Variants in PCDHA5 observed in about 807,000 individuals in gnomAD.
The protein encoded by PCDHA5 is protocadherin alpha 5.
Under a neutral mutation model 61.6 loss-of-function variants are expected in PCDHA5, and 43 were observed. The ratio of observed to expected loss-of-function variants is 0.70; its 90% confidence interval spans 0.55 to 0.90. PCDHA5 has a LOEUF of 0.90. Among genes scored for constraint, PCDHA5 ranks in the 40% least tolerant of loss-of-function variants. PCDHA5 has a pLI of 0.00. For synonymous variants in PCDHA5, 627 were observed against 543.9 expected, an observed-to-expected ratio of 1.15 and a Z score of -2.13; for missense variants, 1,298 against 1,222.7, an observed-to-expected ratio of 1.06 and a Z score of -0.92.
intron 1 of PCDHA5, chr5:140,828,247 G>A: frequency 5.0e-6 from 8 of 1,613,980 alleles, no homozygotes; most frequent in Non-Finnish European, 6.8e-6. Flanking sequence ...CGCAGGACCT[G>A]GGGCTGGAGC....
chr5:140,897,214 G>A (rs1355389573), intron 1 of PCDHA5, among the ~76,000 whole-genome samples: 1 of 151,764 alleles, frequency 6.6e-6, no homozygotes, highest in Non-Finnish European at 1.5e-5. Flanking sequence ...TTAAGTTTTA[G>A]GGTACATGTG....
intron 1 of PCDHA5, among the ~76,000 whole-genome samples, chr5:140,886,844 AAAAG>A (rs1232979230): frequency 6.0e-5 from 9 of 150,634 alleles, no homozygotes; most frequent in Non-Finnish European, 8.9e-5. Flanking sequence ...AAAAAAAAAA[AAAAG>A]AAAGGTCTTC....
chr5:140,857,611 G>A (rs987659739), intron 1 of PCDHA5: 1 of 1,596,436 alleles, frequency 6.3e-7, no homozygotes, highest in Admixed American at 1.7e-5. Flanking sequence ...CGCTGCAGCC[G>A]CTGGACCACG....
intron 1 of PCDHA5, among the ~76,000 whole-genome samples, chr5:140,899,834 G>T (rs181729880): frequency 6.6e-6 from 1 of 152,198 alleles, no homozygotes; most frequent in Admixed American, 6.5e-5. Context: ...TTTGAGACAG[G>T]TCTTGCTGTG....
intron 3 of PCDHA5, among the ~76,000 whole-genome samples, chr5:141,007,668 G>C (rs556655396): frequency 6.6e-6 from 1 of 152,262 alleles, no homozygotes; most frequent in East Asian, 1.9e-4. Context: ...AATTTACAAA[G>C]ACAAAAGTTA....
intron 1 of PCDHA5, among the ~76,000 whole-genome samples, chr5:140,933,506 G>A (rs2089196836): frequency 6.6e-6 from 1 of 151,944 alleles, no homozygotes; most frequent in Non-Finnish European, 1.5e-5. Flanking sequence ...GTTAAGCAAA[G>A]ACTACAGCTG....
Position 140,824,056 on chromosome 5 carries a change from G to A in PCDHA5, c.2281G>A (p.Glu761Lys). The part of the protein sequence containing the change: ...QQRRQRVCSG[E>K]APPKTDLMAF... ...GAGGAGACAGAGGGTGTGCTCTGGG[G>A]AAGCTCCACCCAAAACAGACCTCAT... is the stretch of plus-strand genomic sequence containing the variant. The change falls in exon 1 of 4, where the codon GAA (glutamate) becomes AAA (lysine). Residue 761 changes from glutamate to lysine, a missense_variant. By Grantham distance (56) the Glu-to-Lys change is moderately conservative (BLOSUM62 1). Coordinates refer to ENST00000529859, the MANE Select transcript of PCDHA5 (RefSeq NM_018908.3). 2 of 1,614,176 alleles carry A rather than the reference G, an allele frequency of 1.2e-6. No individual in the cohort carries two copies. The highest frequency in any genetic ancestry group is 1.7e-6 in the Non-Finnish European group (2 of 1,180,020).
rs782520879 is a variant in PCDHA5, at chr5:141,009,808, T to A, written c.2682T>A (p.Ile894=). Residue 894 remains isoleucine (I), a synonymous_variant, in exon 4 of 4, where the codon ATT becomes ATA. Transcript: ENST00000529859. ...GGCAGGAGCCTACTAACAGCCAAAT[T>A]GACAAAAGTGACTTCATAACCTTCG... The part of the protein sequence containing the change: ...SIRQEPTNSQ[I]DKSDFITFGK... The A allele has an allele frequency of 1.2e-6, 2 of 1,613,832 alleles. No homozygotes were observed. The highest frequency in any genetic ancestry group is 2.2e-5 in the South Asian group (2 of 91,042).
chr5:140,858,147 T>C, intron 1 of PCDHA5: 1 of 1,597,630 alleles, frequency 6.3e-7, no homozygotes, highest in Non-Finnish European at 8.6e-7. Flanking sequence ...TACCTGATCA[T>C]CGCCATCTGC....
chr5:140,882,197 G>T, intron 1 of PCDHA5: 2 of 1,521,690 alleles, frequency 1.3e-6, no homozygotes, highest in Non-Finnish European at 1.8e-6. Flanking sequence ...CATAAAAATT[G>T]GGCCTTGAGA....
At chr5:141,004,497 T>C (rs2098168493) in intron 3 of PCDHA5, among the ~76,000 whole-genome samples, 1 of 152,218 alleles carries the variant, frequency 6.6e-6, no homozygotes, top group South Asian at 2.1e-4. Context: ...TTGGCAGTCC[T>C]GCTGTGAGGG....
intron 1 of PCDHA5, chr5:140,854,600 AT>A (rs2043170892): frequency 6.7e-6 from 1 of 150,110 alleles, no homozygotes; most frequent in African/African-American, 2.4e-5. Context: ...GTTTAAAGTA[AT>A]TGACACATTT....
At chr5:140,933,133 G>T (rs782720038) in intron 1 of PCDHA5, among the ~76,000 whole-genome samples, 1 of 151,914 alleles carries the variant, frequency 6.6e-6, no homozygotes, top group Non-Finnish European at 1.5e-5. Context: ...AATAATAAAG[G>T]TAGATAGCCA....
rs201571132 is a variant in PCDHA5 at position 140,822,477 on chromosome 5, T to G, written c.702T>G (p.Ala234=). 4.6e-4 allele frequency: 746 copies of G among 1,613,830 alleles called. No homozygotes were observed. The highest frequency in any genetic ancestry group is 6.1e-4 in the Non-Finnish European group (714 of 1,179,912). Residue 234 remains alanine, a synonymous_variant, in exon 1 of 4, where the codon GCT becomes GCG. Transcript: ENST00000529859. Reference sequence around the variant, plus strand: ...AGTTGTTGATCAATGTATTGGATGCTAATGATAACGCCCCAGAATTTGATA... The same window carrying G: ...AGTTGTTGATCAATGTATTGGATGCGAATGATAACGCCCCAGAATTTGATA... ...TVQLLINVLD[A]NDNAPEFDKS... is the part of the protein sequence containing the mutation.
At position 140,850,728 on chromosome 5, in the gene PCDHA5, G is replaced by A. The variant is rs2150496245; in HGVS notation, c.2352+26601G>A. The A allele has an allele frequency of 8.1e-6, 13 of 1,598,072 alleles. 2 individuals are homozygous for A. Among genetic ancestry groups the A allele is most frequent in the Non-Finnish European group, 1.1e-5 (13 of 1,167,642 alleles). The stretch of plus-strand genomic sequence containing the variant: ...GCCGACGCTGGTGTGTTCTAGCGCG[G>A]TGGGGAGTTGGTCGTACTCGCAGCA... On this transcript the variant is annotated intron_variant, in intron 1 of 3. Coordinates refer to ENST00000529859, the MANE Select transcript of PCDHA5 (RefSeq NM_018908.3).
At position 140,982,388 on chromosome 5, in the gene PCDHA5, A is replaced by G. The variant is rs868944535; in HGVS notation, c.2412-87A>G. 32 of 1,592,320 alleles carry G rather than the reference A, an allele frequency of 2.0e-5. 1 individual carries two copies. The Middle Eastern group carries it at 4.6e-3, about 226-fold the overall frequency. Reference sequence around the variant, plus strand: ...ATGTGTTAGCTGCAGCCCTGGCTTCATAGTTGTAAGCAATTTCTGAGGGTG... The same window carrying G: ...ATGTGTTAGCTGCAGCCCTGGCTTCGTAGTTGTAAGCAATTTCTGAGGGTG... On this transcript the variant is annotated intron_variant, in intron 2 of 3. Coordinates refer to ENST00000529859, the MANE Select transcript of PCDHA5 (RefSeq NM_018908.3).
At chr5:140,850,915 T>G (rs2041875502) in intron 1 of PCDHA5, 1 of 1,529,718 alleles carries the variant, frequency 6.5e-7, no homozygotes. Flanking sequence ...ATTTTATTTA[T>G]TTATATAATT....
At chr5:140,838,664 G>C (rs950566042) in intron 1 of PCDHA5, among the ~76,000 whole-genome samples, 1 of 152,010 alleles carries the variant, frequency 6.6e-6, no homozygotes, top group Non-Finnish European at 1.5e-5. Flanking sequence ...AACGGGGCAT[G>C]GTGGCACACA....
At chr5:140,877,137 G>A in intron 1 of PCDHA5, 1 of 1,613,796 alleles carries the variant, frequency 6.2e-7, no homozygotes. Context: ...AGGTGTTCGT[G>A]CTGGACGAGA....
Sources: gnomAD v4.1 joint callset for allele counts (sites outside exome capture counted in the v4.1 genomes callset) on GRCh38, gnomAD v4.1.1 for gene constraint, MANE v1.5 for transcripts, NCBI Gene and HGNC (gene_info 2026-07-23, HGNC 2026-07-21) for gene names.